Variants in TXLNA observed in about 807,000 individuals in gnomAD.
TXLNA encodes the protein alpha-taxilin.
A neutral mutation model predicts 61.4 loss-of-function variants in TXLNA; 9 were observed. The observed-to-expected ratio is 0.15, with a 90% CI of 0.09 to 0.26. The LOEUF (loss-of-function observed/expected upper bound fraction) is 0.26, where lower values mean the gene tolerates loss of function less well. TXLNA is among the 10% of genes least tolerant of loss of function. TXLNA has a pLI of 1.00. For synonymous variants in TXLNA, 257 were observed against 267.7 expected, an observed-to-expected ratio of 0.96 and a Z score of 0.39; for missense variants, 565 against 688.8, an observed-to-expected ratio of 0.82 and a Z score of 2.01.
chr1:32,185,237 C>T (rs558840892), intron 4 of TXLNA, among the ~76,000 whole-genome samples: 1 of 152,184 alleles, frequency 6.6e-6, no homozygotes, highest in Non-Finnish European at 1.5e-5. Flanking sequence ...AAAGCATGCT[C>T]TTCCCACTTT....
intron 9 of TXLNA, among the ~76,000 whole-genome samples, 167 bp from the exon 10 acceptor site, chr1:32,193,898 C>T (rs1215584402): frequency 6.6e-6 from 1 of 152,274 alleles, no homozygotes; most frequent in East Asian, 1.9e-4. Context: ...CCTCTGACTT[C>T]CTGGTGGTGA....
At position 32,197,893 on chromosome 1, in the gene TXLNA, G is replaced by T. The variant is rs2124176697; in HGVS notation, c.*2698G>T. 6.6e-6 allele frequency: 1 copy of T among 152,118 alleles called. No individual in the cohort carries two copies. Among genetic ancestry groups the T allele is most frequent in the East Asian group, 1.9e-4 (1 of 5,194 alleles). 9.4% of individuals were successfully genotyped at this position (152,118 alleles called of 1,614,324 possible). On this transcript the variant is annotated 3_prime_UTR_variant, in exon 11 of 11. Transcript: ENST00000373610. The surrounding 1 kb of genome is among the most constrained non-coding windows in gnomAD (Gnocchi z 4.6). ...GCTCAGGCACTTTCTGTAGGAGACT[G>T]TTATTTCTGTAAAGATGGTTATTTA... is the stretch of plus-strand genomic sequence containing the variant.
chr1:32,194,153 C>A lies in TXLNA; in HGVS notation c.1340C>A (p.Ala447Asp). 4 of 1,613,494 alleles carry A rather than the reference C, an allele frequency of 2.5e-6. No individual in the cohort carries two copies. The highest frequency in any genetic ancestry group is 3.4e-6 in the Non-Finnish European group (4 of 1,179,682). Reference protein sequence around the residue: ...ESSNKALLEMAEEKTVRDKEL... With the variant: ...ESSNKALLEMDEEKTVRDKEL... ...AGCAACAAGGCCCTGCTTGAGATGG[C>A]TGAGGAGGTGGGCTGTCTGTGATCT... The change falls in exon 10 of 11, where the codon GCT becomes GAT. Residue 447 changes from alanine (A) to aspartate (D), a missense_variant. By Grantham distance (126) the Ala-to-Asp change is moderately radical (BLOSUM62 -2). This residue lies in a region of TXLNA where 373 missense variants were observed against 504.0 expected (regional missense o/e 0.74). Transcript: ENST00000373610.
Position 32,192,639 on chromosome 1 carries a change from G to T in TXLNA, c.1084-18G>T. The T allele has an allele frequency of 1.2e-6, 2 of 1,614,104 alleles. No individual in the cohort carries two copies. The highest frequency in any genetic ancestry group is 1.7e-6 in the Non-Finnish European group (2 of 1,179,918). ...CTGGGGGCTTCTGACAGGATCTGGG[G>T]TTCTGTCTTGGAAATAGCTCCTGAA... On this transcript the variant is annotated intron_variant, in intron 7 of 10. Coordinates refer to ENST00000373610, the MANE Select transcript of TXLNA (RefSeq NM_175852.4). This position sits in a 1 kb window ranked among gnomAD's most constrained non-coding sequence, Gnocchi z 4.2.
At chr1:32,187,651 G>C (rs2124148194) in intron 4 of TXLNA, among the ~76,000 whole-genome samples, 1 of 152,360 alleles carries the variant, frequency 6.6e-6, no homozygotes, top group Non-Finnish European at 1.5e-5. Flanking sequence ...AAATGCAACA[G>C]CTTGAAGTGG....
chr1:32,184,568 T>G lies in TXLNA; in HGVS notation c.549T>G (p.Ser183Arg), dbSNP rs1238472035. The G allele has an allele frequency of 6.2e-7, 1 of 1,613,744 alleles. No homozygotes were observed. Among genetic ancestry groups the G allele is most frequent in the Admixed American group, 1.7e-5 (1 of 60,006 alleles). ...TGATGCAGACATTGAATACTCTGAGTACCCCAGAGGAGAAGCTGGCTGCTC... is the reference window on the plus strand; with the variant it reads ...TGATGCAGACATTGAATACTCTGAGGACCCCAGAGGAGAAGCTGGCTGCTC... ...TLLMQTLNTL[S>R]TPEEKLAALC... Residue 183 changes from serine to arginine, a missense_variant, in exon 4 of 11, where the codon AGT becomes AGG. Physicochemically the swap from Ser to Arg is moderately radical, Grantham distance 110 (BLOSUM62 -1). Around this residue, in one of 2 missense-constraint regions of TXLNA, gnomAD observed 373 missense variants for 504.0 expected, o/e 0.74. Transcript: ENST00000373610.
At position 32,180,512 on chromosome 1, in the gene TXLNA, A is replaced by G; in HGVS notation, c.167A>G (p.Glu56Gly). The G allele has an allele frequency of 1.3e-6, 2 of 1,598,514 alleles. No homozygotes were observed. The highest frequency in any genetic ancestry group is 8.5e-7 in the Non-Finnish European group (1 of 1,172,818). The change falls in exon 2 of 11, where the codon GAG becomes GGG. Residue 56 changes from glutamate to glycine, a missense_variant and splice_region_variant. By Grantham distance (98) the Glu-to-Gly change is moderately conservative. Around this residue, in one of 2 missense-constraint regions of TXLNA, gnomAD observed 192 missense variants for 184.8 expected, o/e 1.04. Transcript: ENST00000373610. ...PGSSQAPRKPEGAQARTAQSG... is the reference protein window; with the variant it reads ...PGSSQAPRKPGGAQARTAQSG... Reference sequence around the variant, plus strand: ...AGCAGCCAGGCTCCTCGGAAGCCGGAGGGTGTGTGCCAGCTCTGCGTTGCC... The same window carrying G: ...AGCAGCCAGGCTCCTCGGAAGCCGGGGGGTGTGTGCCAGCTCTGCGTTGCC...
At chr1:32,191,577 C>T (rs181691655) in intron 6 of TXLNA, among the ~76,000 whole-genome samples, 1 of 152,220 alleles carries the variant, frequency 6.6e-6, no homozygotes, top group East Asian at 1.9e-4. Flanking sequence ...CAAAAAAGGA[C>T]TTAGTACTAC....
At position 32,181,120 on chromosome 1, in the gene TXLNA, A is replaced by G. The variant is rs1327168534; in HGVS notation, c.170-122A>G. 6.6e-6 allele frequency: 5 copies of G among 755,532 alleles called. No homozygotes were observed. The East Asian group carries it at 1.2e-4, about 18-fold the overall frequency. 46.8% of individuals were successfully genotyped at this position (755,532 alleles called of 1,614,324 possible). A position where few individuals can be genotyped will look rare whatever the true frequency, so the allele number is the denominator to read the frequency against. ...ACTCCATTCTTGCTTCTCAGTTTCC[A>G]TAAAAAAAAAAGTTAGGCAACATTT... On this transcript the variant is annotated intron_variant, in intron 2 of 10. Coordinates refer to ENST00000373610, the MANE Select transcript of TXLNA (RefSeq NM_175852.4).
At chr1:32,191,141 G>A (rs1259525675) in intron 6 of TXLNA, among the ~76,000 whole-genome samples, 6 of 150,352 alleles carry the variant, frequency 4.0e-5, no homozygotes, top group African/African-American at 9.8e-5. Context: ...TTGTCACTGC[G>A]TTGGCTGCCA....
At position 32,197,982 on chromosome 1, in the gene TXLNA, T is replaced by C. The variant is rs992735283; in HGVS notation, c.*2787T>C. 6 of 152,492 alleles carry C rather than the reference T, an allele frequency of 3.9e-5. No individual in the cohort carries two copies. The highest frequency in any genetic ancestry group is 1.4e-4 in the African/African-American group (6 of 41,468). The allele number at this position is 152,492 out of a possible 1,614,324, so 9.4% of individuals were successfully genotyped here. A position where few individuals can be genotyped will look rare whatever the true frequency, so the allele number is the denominator to read the frequency against. On this transcript the variant is annotated 3_prime_UTR_variant, in exon 11 of 11. Coordinates refer to ENST00000373610, the MANE Select transcript of TXLNA (RefSeq NM_175852.4). This position sits in a 1 kb window ranked among gnomAD's most constrained non-coding sequence, Gnocchi z 4.6. ...CCCGGAGGCCAGTGGAGCTGCCTGG[T>C]GTCCACGGGGGAGGGCCAAGGCCTG...
chr1:32,180,017 C>G (rs747215696), intron 1 of TXLNA: 27 of 181,718 alleles, frequency 1.5e-4, no homozygotes, highest in Non-Finnish European at 2.6e-4. Flanking sequence ...ACGTCAGTCT[C>G]CGGCCCTGAG....
chr1:32,184,653 G>C (rs1201323770), intron 4 of TXLNA, 37 bp downstream of exon 4: 1 of 1,471,470 alleles, frequency 6.8e-7, no homozygotes, highest in South Asian at 1.2e-5. Context: ...TCCCTGCGTT[G>C]GGAAAATCAG....
rs1643037469 is a variant in TXLNA, at chr1:32,196,886, C to A, written c.*1691C>A. ...ATGGCAAATGAATGGCACACCATTT[C>A]TCCTTCTCCTGCCCCAGGGCAGGTA... On this transcript the variant is annotated 3_prime_UTR_variant, in exon 11 of 11. Transcript: ENST00000373610. 1 of 152,236 alleles carries A rather than the reference C, an allele frequency of 6.6e-6. No homozygotes were observed. The highest frequency in any genetic ancestry group is 1.5e-5 in the Non-Finnish European group (1 of 68,046). 9.4% of individuals were successfully genotyped at this position (152,236 alleles called of 1,614,324 possible).
At position 32,188,140 on chromosome 1, in the gene TXLNA, C is replaced by T; in HGVS notation, c.768+16C>T. On this transcript the variant is annotated intron_variant, in intron 5 of 10. Coordinates refer to ENST00000373610, the MANE Select transcript of TXLNA (RefSeq NM_175852.4). The stretch of plus-strand genomic sequence containing the variant: ...CTCCCTCAAGGTAGGCCTGGGCCCC[C>T]TGGAACAGGTGACTCTGGTTTCCTT... 1 of 1,532,994 alleles carries T rather than the reference C, an allele frequency of 6.5e-7. No homozygotes were observed. The highest frequency in any genetic ancestry group is 8.8e-7 in the Non-Finnish European group (1 of 1,134,308). The allele number at this position is 1,532,994 out of a possible 1,614,324, so 95.0% of individuals were successfully genotyped here.
At chr1:32,193,096 T>C (rs540051984) in intron 8 of TXLNA, 112 bp from the exon 9 acceptor site, 17 of 737,046 alleles carry the variant, frequency 2.3e-5, no homozygotes, top group Non-Finnish European at 3.6e-5. Flanking sequence ...TAAGGAAAAA[T>C]AGTATCTCAA....
rs1317790311 is a variant in TXLNA, at chr1:32,180,313, G to T, written c.-32-1G>T. ...AATAGCAACTGTGTTTGTTTCTAAA[G>T]GATCTTCTCCTGACCCAGCATCGCT... On this transcript the variant is annotated splice_acceptor_variant, in intron 1 of 10. Coordinates refer to ENST00000373610, the MANE Select transcript of TXLNA (RefSeq NM_175852.4). LOFTEE classifies it low-confidence loss of function (5UTR_SPLICE). The T allele has an allele frequency of 6.4e-7, 1 of 1,565,204 alleles. No homozygotes were observed.
intron 4 of TXLNA, 56 bp from the exon 5 acceptor site, chr1:32,187,898 C>G: frequency 6.3e-7 from 1 of 1,579,894 alleles, no homozygotes; most frequent in Non-Finnish European, 8.6e-7. Flanking sequence ...ATAGTGATCC[C>G]CCCACCAGGA....
In TXLNA at chr1:32,195,840, G is replaced by C. The variant is rs148728541; in HGVS notation, c.*645G>C. On this transcript the variant is annotated 3_prime_UTR_variant, in exon 11 of 11. Transcript: ENST00000373610. ...TTGGGCATCGCTTCCCCTGCCCTTT[G>C]GTAGTGCCAGGACCAGGCCAATGAT... 8.8e-6 allele frequency: 4 copies of C among 454,702 alleles called. No homozygotes were observed. In the East Asian group the frequency reaches 2.8e-4, roughly 32 times the overall value. The allele number at this position is 454,702 out of a possible 1,614,324, so 28.2% of individuals were successfully genotyped here.
Sources: gnomAD v4.1 joint callset for allele counts (sites outside exome capture counted in the v4.1 genomes callset) on GRCh38, gnomAD v4.1.1 for gene constraint, gnomAD v4.1.1 regional missense constraint, Gnocchi (gnomAD v3.1) non-coding constraint, MANE v1.5 for transcripts, NCBI Gene and HGNC (gene_info 2026-07-23, HGNC 2026-07-21) for gene names.